The following PRDM6 variants were observed in gnomAD, a reference collection of about 807,000 sequenced individuals.
PRDM6 encodes the protein putative histone-lysine N-methyltransferase PRDM6.
In PRDM6, 25 loss-of-function variants were observed where a neutral mutation model predicts 60.8. The observed-to-expected ratio is 0.41, with a 90% CI of 0.30 to 0.57. PRDM6 has a LOEUF of 0.57. PRDM6 is among the 20% of genes least tolerant of loss of function. The pLI is 0.27. For synonymous variants in PRDM6, 407 were observed against 357.4 expected, an observed-to-expected ratio of 1.14 and a Z score of -1.57; for missense variants, 839 against 821.3, an observed-to-expected ratio of 1.02 and a Z score of -0.26.
chr5:123,184,513 C>T (rs575890551), intron 7 of PRDM6, among the ~76,000 whole-genome samples: 3 of 152,300 alleles, frequency 2.0e-5, no homozygotes, highest in South Asian at 2.1e-4. Flanking sequence ...TCCCTCCTGA[C>T]GCATTACCTG....
At chr5:123,158,118 C>A (rs548853528) in intron 4 of PRDM6, among the ~76,000 whole-genome samples, 1 of 152,306 alleles carries the variant, frequency 6.6e-6, no homozygotes, top group South Asian at 2.1e-4. Context: ...ACCCATTGCT[C>A]GAAAACAGTT....
intron 3 of PRDM6, among the ~76,000 whole-genome samples, chr5:123,138,679 A>G (rs1200690095): frequency 6.6e-6 from 1 of 152,232 alleles, no homozygotes; most frequent in Non-Finnish European, 1.5e-5. Context: ...AAGCAAAGCA[A>G]ACATAATCAT....
Position 123,156,000 on chromosome 5 carries a change from A to G in PRDM6, c.1017A>G (p.Val339=), listed in dbSNP as rs1765489115. The change falls in exon 4 of 8, where the codon GTA becomes GTG. Residue 339 remains valine, a synonymous_variant. Coordinates refer to ENST00000407847, the MANE Select transcript of PRDM6 (RefSeq NM_001136239.4). ...ACTGCGGAGAACAGAATCTAACAGT[A>G]GTTCAGTACAGGTAAAGTATATCTT... ...ARHCGEQNLT[V]VQYRSNIFYR... 1.3e-6 allele frequency: 2 copies of G among 1,551,198 alleles called. No individual in the cohort carries two copies. Among genetic ancestry groups the G allele is most frequent in the African/African-American group, 2.7e-5 (2 of 73,024 alleles).
intron 3 of PRDM6, among the ~76,000 whole-genome samples, chr5:123,109,185 GAA>G (rs1764255238): frequency 1.3e-5 from 1 of 78,052 alleles, no homozygotes; most frequent in African/African-American, 5.2e-5. Flanking sequence ...TTTTATACAT[GAA>G]AGTGTTAACA....
chr5:123,164,320 CT>C (rs1042432433), intron 5 of PRDM6, among the ~76,000 whole-genome samples: 7 of 152,238 alleles, frequency 4.6e-5, no homozygotes, highest in Non-Finnish European at 7.4e-5. Flanking sequence ...CTGGGGTTGG[CT>C]TAGAACCAGG....
At chr5:123,155,800 G>A in intron 3 of PRDM6, 84 bp from the exon 4 acceptor site, 2 of 1,451,094 alleles carry the variant, frequency 1.4e-6, no homozygotes, top group Non-Finnish European at 1.8e-6. Context: ...TTCTGCAGCT[G>A]ACACATAAAG....
At chr5:123,111,520 A>G (rs1274351484) in intron 3 of PRDM6, among the ~76,000 whole-genome samples, 1 of 152,138 alleles carries the variant, frequency 6.6e-6, no homozygotes, top group African/African-American at 2.4e-5. Context: ...AACACGGTGA[A>G]ACCCCGTCTT....
At chr5:123,176,122 A>G (rs781710335) in intron 6 of PRDM6, among the ~76,000 whole-genome samples, 7 of 152,162 alleles carry the variant, frequency 4.6e-5, no homozygotes, top group Non-Finnish European at 8.8e-5. Flanking sequence ...ATTAATCCAA[A>G]TTAAGTAAAA....
At chr5:123,165,940 G>C (rs1457795258) in intron 5 of PRDM6, among the ~76,000 whole-genome samples, 1 of 152,040 alleles carries the variant, frequency 6.6e-6, no homozygotes, top group East Asian at 1.9e-4. Flanking sequence ...GTAGCCTATG[G>C]GTCACATAGA....
chr5:123,186,987 C>A, intron 7 of PRDM6, 100 bp from the exon 8 acceptor site: 1 of 855,236 alleles, frequency 1.2e-6, no homozygotes, highest in Non-Finnish European at 1.9e-6. Flanking sequence ...AAATCTGAAG[C>A]CACTTTGGAG....
intron 3 of PRDM6, among the ~76,000 whole-genome samples, chr5:123,108,685 C>T (rs335857): frequency 0.19 from 29,365 of 151,840 alleles, 2,985 homozygotes; most frequent in African/African-American, 0.21. Flanking sequence ...GCTTAAAAAG[C>T]GGAAATTAAT....
intron 3 of PRDM6, among the ~76,000 whole-genome samples, chr5:123,144,091 C>G (rs571898461): frequency 1.3e-5 from 2 of 152,228 alleles, no homozygotes; most frequent in South Asian, 2.1e-4. Flanking sequence ...CCTGCTAGCA[C>G]CCCCTGGAGA....
chr5:123,179,717 A>G (rs917955306), intron 6 of PRDM6, among the ~76,000 whole-genome samples: 1 of 141,788 alleles, frequency 7.1e-6, no homozygotes, highest in African/African-American at 2.5e-5. Context: ...GGGGATTATC[A>G]TAAAGATTAA....
At chr5:123,098,123 G>C (rs924941351) in intron 2 of PRDM6, among the ~76,000 whole-genome samples, 3 of 152,234 alleles carry the variant, frequency 2.0e-5, no homozygotes, top group Admixed American at 2.0e-4. Context: ...AAGTTTCTTG[G>C]GCATTTCGGT....
At chr5:123,154,823 G>A (rs900310069) in intron 3 of PRDM6, among the ~76,000 whole-genome samples, 2 of 152,210 alleles carry the variant, frequency 1.3e-5, no homozygotes, top group East Asian at 3.9e-4. Flanking sequence ...GATTTTATCT[G>A]AAAAGGTGCA....
intron 3 of PRDM6, among the ~76,000 whole-genome samples, chr5:123,104,053 G>GAA (rs995855092): frequency 6.6e-5 from 10 of 151,988 alleles, no homozygotes; most frequent in African/African-American, 2.4e-4. Context: ...TTTTTCTTCA[G>GAA]AAAATCAAGG....
intron 3 of PRDM6, among the ~76,000 whole-genome samples, chr5:123,117,155 G>T (rs559897678): frequency 6.6e-6 from 1 of 152,068 alleles, no homozygotes; most frequent in African/African-American, 2.4e-5. Flanking sequence ...TTTTCCCAGG[G>T]GTCCTCCAGG....
rs1193291941 is a variant in PRDM6 at position 123,189,028 on chromosome 5, C to T, written c.*1827C>T. On this transcript the variant is annotated 3_prime_UTR_variant, in exon 8 of 8. Coordinates refer to ENST00000407847, the MANE Select transcript of PRDM6 (RefSeq NM_001136239.4). ...TCTCAAGCCATTCACCTAGAATTTT[C>T]CTCCAGTTCTTACTATCTCCTGGTC... The T allele has an allele frequency of 6.6e-6, 1 of 152,188 alleles. No individual in the cohort carries two copies. Among genetic ancestry groups the T allele is most frequent in the East Asian group, 1.9e-4 (1 of 5,200 alleles). The allele number at this position is 152,188 out of a possible 1,614,324, so 9.4% of individuals were successfully genotyped here.
intron 7 of PRDM6, among the ~76,000 whole-genome samples, chr5:123,183,163 A>G (rs1766204979): frequency 6.6e-6 from 1 of 152,228 alleles, no homozygotes; most frequent in Non-Finnish European, 1.5e-5. Context: ...GTATTGGCTT[A>G]CACAATGTTA....
Sources: allele counts gnomAD v4.1 joint callset (sites outside exome capture counted in the v4.1 genomes callset), GRCh38; gene constraint gnomAD v4.1.1; transcripts MANE v1.5; gene names NCBI Gene and HGNC (gene_info 2026-07-23, HGNC 2026-07-21).